VPS54: variants seen among roughly 807,000 people sequenced by gnomAD.
VPS54 encodes VPS54 subunit of GARP complex.
A neutral mutation model predicts 121.5 loss-of-function variants in VPS54; 45 were observed. The ratio of observed to expected loss-of-function variants is 0.37; its 90% confidence interval spans 0.29 to 0.47. The LOEUF (loss-of-function observed/expected upper bound fraction) is 0.47, where lower values mean the gene tolerates loss of function less well. Among genes scored for constraint, VPS54 ranks in the 20% least tolerant of loss-of-function variants. The probability of loss-of-function intolerance (pLI) is 0.99; values close to 1 mark genes in which losing one functional copy is unlikely to be tolerated. For synonymous variants in VPS54, 371 were observed against 385.8 expected (o/e 0.96, Z 0.45); for missense variants, 1,090 against 1,131.4 (o/e 0.96, Z 0.52).
intron 5 of VPS54, 77 bp downstream of exon 5, chr2:63,968,880 C>T (rs1676139533): frequency 2.3e-6 from 3 of 1,282,172 alleles, no homozygotes; most frequent in Non-Finnish European, 2.2e-6. Flanking sequence ...AAAAAAAAGC[C>T]AAATGAAATC....
intron 7 of VPS54, among the ~76,000 whole-genome samples, chr2:63,953,244 G>T (rs898781965): frequency 6.7e-6 from 1 of 149,472 alleles, no homozygotes; most frequent in Non-Finnish European, 1.5e-5. Context: ...CAATTCTCGT[G>T]CCTCAGCCTC....
chr2:63,902,580 A>C (rs1447009651), intron 20 of VPS54, among the ~76,000 whole-genome samples: 1 of 152,218 alleles, frequency 6.6e-6, no homozygotes, highest in Non-Finnish European at 1.5e-5. Context: ...ATATACAAAA[A>C]AGAAAACAAT....
rs151236646 is a variant in VPS54 at position 63,962,872 on chromosome 2, C to A, written c.625-429G>T. 5.2e-3 allele frequency among the ~76,000 whole-genome samples: 799 copies of A among 152,218 alleles called. 5 individuals carry two copies. Among genetic ancestry groups the A allele is most frequent in the Non-Finnish European group, 6.8e-3 (459 of 67,974 alleles). Reference sequence around the variant, plus strand: ...TACACCTTCCATTTATTGACCTCCTCCTATGGATTAGGCACAGGTATTTTA... The same window carrying A: ...TACACCTTCCATTTATTGACCTCCTACTATGGATTAGGCACAGGTATTTTA... On this transcript the variant is annotated intron_variant, in intron 6 of 22. Coordinates refer to ENST00000272322, the MANE Select transcript of VPS54 (RefSeq NM_016516.3).
intron 1 of VPS54, among the ~76,000 whole-genome samples, chr2:63,991,407 C>A (rs557107704): frequency 6.6e-6 from 1 of 152,162 alleles, no homozygotes; most frequent in Non-Finnish European, 1.5e-5. Context: ...GTGTTCCCTG[C>A]ATATATTAAA....
At chr2:64,008,413 CAAA>C (rs35629837) in intron 1 of VPS54, among the ~76,000 whole-genome samples, 13 of 135,664 alleles carry the variant, frequency 9.6e-5, no homozygotes, top group Non-Finnish European at 1.1e-4. Context: ...GACTCCGTCT[CAAA>C]AAAAAAAAAA....
intron 1 of VPS54, among the ~76,000 whole-genome samples, chr2:63,994,571 C>T (rs1207448458): frequency 3.3e-5 from 5 of 152,262 alleles, no homozygotes; most frequent in South Asian, 4.2e-4. Flanking sequence ...CTCTGTGCCT[C>T]GGACATGCAC....
intron 1 of VPS54, among the ~76,000 whole-genome samples, chr2:64,008,625 G>T (rs1678279791): frequency 6.6e-6 from 1 of 152,154 alleles, no homozygotes; most frequent in South Asian, 2.1e-4. Context: ...TAAGCAGGCT[G>T]ACCTAGAAAA....
chr2:63,966,146 C>T (rs1391377274), intron 5 of VPS54, among the ~76,000 whole-genome samples, 180 bp from the exon 6 acceptor site: 1 of 152,118 alleles, frequency 6.6e-6, no homozygotes, highest in Non-Finnish European at 1.5e-5. Context: ...AAATTTCTCA[C>T]CAAGCTTAAA....
chr2:63,994,901 T>C (rs746373441), intron 1 of VPS54, among the ~76,000 whole-genome samples: 17 of 152,116 alleles, frequency 1.1e-4, no homozygotes, highest in Non-Finnish European at 2.1e-4. Flanking sequence ...GCTCTTCTGG[T>C]GGAAGGGAAT....
At chr2:63,994,217 T>G (rs1677470575) in intron 1 of VPS54, among the ~76,000 whole-genome samples, 1 of 152,118 alleles carries the variant, frequency 6.6e-6, no homozygotes. Context: ...AACCTAAAAA[T>G]CTCACCATTT....
chr2:63,920,017 A>G, intron 14 of VPS54, 22 bp from the exon 15 acceptor site: 1 of 1,585,734 alleles, frequency 6.3e-7, no homozygotes, highest in Non-Finnish European at 8.6e-7. Flanking sequence ...TAAGGAGAAA[A>G]GAAGGTAAAC....
intron 17 of VPS54, 86 bp downstream of exon 17, chr2:63,914,096 G>T: frequency 1.7e-6 from 2 of 1,190,716 alleles, no homozygotes; most frequent in Non-Finnish European, 2.4e-6. Context: ...ATTTGACCTT[G>T]AAATGTCTTT....
intron 12 of VPS54, 27 bp from the exon 13 acceptor site, chr2:63,921,362 C>T (rs759302760): frequency 2.5e-6 from 4 of 1,607,388 alleles, no homozygotes; most frequent in African/African-American, 1.3e-5. Context: ...AAGATTTAGT[C>T]AGGGAAAGTT....
At chr2:64,017,021 TAAA>T (rs777168254) in intron 1 of VPS54, among the ~76,000 whole-genome samples, 2 of 100,384 alleles carry the variant, frequency 2.0e-5, no homozygotes, top group Non-Finnish European at 2.0e-5. Context: ...TTTTGTTGAT[TAAA>T]AAAAAAAAAA....
At chr2:63,921,379 A>G (rs1452606832) in intron 12 of VPS54, 44 bp from the exon 13 acceptor site, 1 of 1,602,724 alleles carries the variant, frequency 6.2e-7, no homozygotes, top group East Asian at 2.2e-5. Flanking sequence ...AGTTGTAAAC[A>G]TAGTATTCTC....
intron 1 of VPS54, among the ~76,000 whole-genome samples, chr2:63,996,383 T>C (rs748140519): frequency 1.3e-5 from 2 of 152,234 alleles, no homozygotes; most frequent in Non-Finnish European, 2.9e-5. Context: ...CCCATCATCC[T>C]TATAAGCTGA....
chr2:63,899,609 G>C (rs766881252), intron 20 of VPS54, 28 bp from the exon 21 acceptor site: 1 of 1,569,878 alleles, frequency 6.4e-7, no homozygotes, highest in Non-Finnish European at 8.7e-7. Flanking sequence ...TGAGAATTAT[G>C]TTCATGTCCT....
chr2:63,903,000 T>C (rs141629841), intron 20 of VPS54, among the ~76,000 whole-genome samples: 3 of 147,664 alleles, frequency 2.0e-5, no homozygotes, highest in African/African-American at 5.3e-5. Context: ...TAACATAACA[T>C]AACACAACAT....
chr2:63,975,916 T>C (rs1331912149), intron 3 of VPS54, among the ~76,000 whole-genome samples: 1 of 152,178 alleles, frequency 6.6e-6, no homozygotes, highest in Admixed American at 6.5e-5. Context: ...CAGCTAAATT[T>C]TGTGTTTTTA....
Sources: gnomAD v4.1 joint callset for allele counts (sites outside exome capture counted in the v4.1 genomes callset) on GRCh38, gnomAD v4.1.1 for gene constraint, MANE v1.5 for transcripts, NCBI Gene and HGNC (gene_info 2026-07-23, HGNC 2026-07-21) for gene names.